The following TMEM132B variants were observed in gnomAD, a reference collection of about 807,000 sequenced individuals.
TMEM132B encodes transmembrane protein 132B.
A neutral mutation model predicts 90.8 loss-of-function variants in TMEM132B; 18 were observed. The observed-to-expected ratio is 0.20, with a 90% CI of 0.14 to 0.29. TMEM132B has a LOEUF of 0.29. Ranked by LOEUF, TMEM132B falls within the 10% of genes least tolerant of loss-of-function variation. The pLI is 1.00. For missense variants in TMEM132B, 1,096 were observed against 1,326.8 expected (o/e 0.83, Z 2.70); for synonymous variants, 504 against 523.3 (o/e 0.96, Z 0.50).
chr12:125,229,065 CAG>C (rs1873755348), intron 1 of TMEM132B, among the ~76,000 whole-genome samples: 1 of 152,206 alleles, frequency 6.6e-6, no homozygotes, highest in African/African-American at 2.4e-5. Context: ...GGAGGGCAGA[CAG>C]GGAGCTGGAA....
Position 125,251,780 on chromosome 12 carries a change from A to C in TMEM132B, c.67+64914A>C, listed in dbSNP as rs1008733540. Among the ~76,000 whole-genome samples the C allele has an allele frequency of 3.3e-5, 5 of 152,194 alleles. No homozygotes were observed. Among genetic ancestry groups the C allele is most frequent in the Non-Finnish European group, 5.9e-5 (4 of 68,034 alleles). On this transcript the variant is annotated intron_variant, in intron 1 of 8. Transcript: ENST00000682704. This position sits in a 1 kb window ranked among gnomAD's most constrained non-coding sequence, Gnocchi z 4.4. ...GTGTTGCCAGAGCTGATTTTCCTAG[A>C]AAGGCCATTCGTTTGGATTTTCATG... is the stretch of plus-strand genomic sequence containing the variant.
intron 2 of TMEM132B, among the ~76,000 whole-genome samples, chr12:125,374,424 A>G (rs905613157): frequency 6.9e-6 from 1 of 144,778 alleles, no homozygotes; most frequent in Admixed American, 6.6e-5. Context: ...CAGCTCACCC[A>G]CAAACATGTT....
rs1290354389 is a variant in TMEM132B at position 125,401,608 on chromosome 12, GT to G, written c.960-13919del. On this transcript the variant is annotated intron_variant, in intron 2 of 8. Transcript: ENST00000682704. ...GTTTAGAGACGAGAAGGAATGTGCT[GT>G]TTTAGGAACCACGAGGAGCCAGTGT... is the stretch of plus-strand genomic sequence containing the variant. Among the ~76,000 whole-genome samples, 8 of 152,266 alleles carry G rather than the reference GT, an allele frequency of 5.3e-5. No individual in the cohort carries two copies. The East Asian group carries it at 1.5e-3, about 29-fold the overall frequency.
intron 1 of TMEM132B, among the ~76,000 whole-genome samples, chr12:125,309,994 A>T (rs1046935267): frequency 6.6e-6 from 1 of 152,142 alleles, no homozygotes; most frequent in Non-Finnish European, 1.5e-5. Flanking sequence ...GAACACCTCC[A>T]TGAGCCCCTT....
At chr12:125,389,934 T>C (rs1209120113) in intron 2 of TMEM132B, among the ~76,000 whole-genome samples, 2 of 152,226 alleles carry the variant, frequency 1.3e-5, no homozygotes, top group Admixed American at 6.5e-5. Context: ...CAGATTCCAA[T>C]TGCATAGCTC....
rs1873611418 is a variant in TMEM132B, at chr12:125,223,788, AAT to A, written c.67+36925_67+36926del. 4.0e-5 allele frequency among the ~76,000 whole-genome samples: 6 copies of A among 150,564 alleles called. No homozygotes were observed. In the South Asian group the frequency reaches 1.3e-3, roughly 31 times the overall value. On this transcript the variant is annotated intron_variant, in intron 1 of 8. Transcript: ENST00000682704. ...GTGTCTGGCATCTTTCACTTTGTAT[AAT>A]ATTTTTTTTTTTCAGAGACAGAGTC...
intron 1 of TMEM132B, among the ~76,000 whole-genome samples, chr12:125,202,830 G>A (rs1302471756): frequency 2.0e-5 from 3 of 152,250 alleles, no homozygotes; most frequent in Non-Finnish European, 4.4e-5. Flanking sequence ...TGCAGGGGGA[G>A]TGAGGGAGAG....
At chr12:125,259,533 C>T (rs1874513663) in intron 1 of TMEM132B, among the ~76,000 whole-genome samples, 1 of 152,162 alleles carries the variant, frequency 6.6e-6, no homozygotes, top group Non-Finnish European at 1.5e-5. Flanking sequence ...TGACGCTACT[C>T]ATAAGGGCCG....
chr12:125,378,437 A>G (rs1878561962), intron 2 of TMEM132B, among the ~76,000 whole-genome samples: 1 of 152,226 alleles, frequency 6.6e-6, no homozygotes, highest in African/African-American at 2.4e-5. Flanking sequence ...ACAAGTAAGT[A>G]GTCAAGGGTG....
At chr12:125,337,408 G>A (rs113981684) in intron 1 of TMEM132B, among the ~76,000 whole-genome samples, 3,446 of 152,266 alleles carry the variant, frequency 0.023, 158 homozygotes, top group African/African-American at 0.079. Flanking sequence ...CTCCTTCCAG[G>A]TGATGGCTTT....
In TMEM132B at chr12:125,349,385, T is replaced by G. The variant is rs1877475474; in HGVS notation, c.68-67T>G. ...GTTTGTTGGGGAGGTGGGTGGAGAC[T>G]GCACTGCATTTATTTCATTACATCT... On this transcript the variant is annotated intron_variant, in intron 1 of 8. Coordinates refer to ENST00000682704, the MANE Select transcript of TMEM132B (RefSeq NM_001366854.1). The surrounding 1 kb of genome is among the most constrained non-coding windows in gnomAD (Gnocchi z 4.1). 2 of 1,526,184 alleles carry G rather than the reference T, an allele frequency of 1.3e-6. No individual in the cohort carries two copies. Among genetic ancestry groups the G allele is most frequent in the Admixed American group, 4.1e-5 (2 of 48,834 alleles). 94.5% of individuals were successfully genotyped at this position (1,526,184 alleles called of 1,614,324 possible). A position where few individuals can be genotyped will look rare whatever the true frequency, so the allele number is the denominator to read the frequency against.
At chr12:125,488,789 T>A (rs1384705445) in intron 3 of TMEM132B, among the ~76,000 whole-genome samples, 1 of 152,252 alleles carries the variant, frequency 6.6e-6, no homozygotes, top group African/African-American at 2.4e-5. Flanking sequence ...TTTTCTGGAC[T>A]TGGCTTAGCC....
intron 1 of TMEM132B, among the ~76,000 whole-genome samples, chr12:125,278,837 G>C (rs1875078704): frequency 1.3e-5 from 2 of 152,168 alleles, no homozygotes; most frequent in South Asian, 4.1e-4. Context: ...GTTGCTCAAG[G>C]TGGTGAACCC....
intron 1 of TMEM132B, among the ~76,000 whole-genome samples, chr12:125,208,746 C>T (rs1007147103): frequency 2.0e-5 from 3 of 152,236 alleles, no homozygotes; most frequent in Admixed American, 6.5e-5. Context: ...CTGAGATGGC[C>T]GCGTGGTAGA....
At position 125,529,174 on chromosome 12, in the gene TMEM132B, T is replaced by C. The variant is rs148807890; in HGVS notation, c.1293+9549T>C. ...ATCACAGCTCACTGCAGCCTCAGTC[T>C]CCCAGGCTCAAGTGATCCTCCTGCC... On this transcript the variant is annotated intron_variant, in intron 4 of 8. Transcript: ENST00000682704. 1.1e-3 allele frequency among the ~76,000 whole-genome samples: 168 copies of C among 152,214 alleles called. 2 individuals carry two copies. In the East Asian group the frequency reaches 0.028, roughly 26 times the overall value.
chr12:125,338,801 A>G (rs752355213), intron 1 of TMEM132B, among the ~76,000 whole-genome samples: 2 of 152,260 alleles, frequency 1.3e-5, no homozygotes, highest in Non-Finnish European at 2.9e-5. Flanking sequence ...ATTTCTCTTG[A>G]TAATAGGTTT....
chr12:125,579,363 CTT>C (rs34889952), intron 4 of TMEM132B, among the ~76,000 whole-genome samples: 1 of 144,972 alleles, frequency 6.9e-6, no homozygotes, highest in African/African-American at 2.5e-5. Flanking sequence ...CTCATACTTG[CTT>C]TTTTTTTTTT....
At chr12:125,379,506 A>C (rs915704934) in intron 2 of TMEM132B, among the ~76,000 whole-genome samples, 2 of 152,192 alleles carry the variant, frequency 1.3e-5, no homozygotes, top group Non-Finnish European at 2.9e-5. Context: ...AATAAAGACA[A>C]AAAATGGATA....
At chr12:125,222,071 A>G (rs891970439) in intron 1 of TMEM132B, among the ~76,000 whole-genome samples, 1 of 152,200 alleles carries the variant, frequency 6.6e-6, no homozygotes, top group Admixed American at 6.5e-5. Flanking sequence ...GAGCCTTTGC[A>G]TAAGAAAAAC....
Sources: gnomAD v4.1 joint callset for allele counts (sites outside exome capture counted in the v4.1 genomes callset) on GRCh38, gnomAD v4.1.1 for gene constraint, Gnocchi (gnomAD v3.1) non-coding constraint, MANE v1.5 for transcripts, NCBI Gene and HGNC (gene_info 2026-07-23, HGNC 2026-07-21) for gene names.